Variants in ZC3H4 observed in about 807,000 individuals in gnomAD.
ZC3H4 encodes the protein zinc finger CCCH domain-containing protein 4.
ZC3H4 carries 13 observed loss-of-function variants against 108.3 expected under a neutral mutation model. The observed-to-expected ratio is 0.12, with a 90% CI of 0.08 to 0.19. The LOEUF is 0.19. ZC3H4 is among the 10% of genes least tolerant of loss of function. The pLI, the probability that ZC3H4 is intolerant of heterozygous loss-of-function variation, is 1.00. For missense variants in ZC3H4, 1,734 were observed against 1,838.8 expected (o/e 0.94, Z 1.04); for synonymous variants, 917 against 749.6 (o/e 1.22, Z -3.65).
At chr19:47,111,902 G>A (rs2058044067) in intron 2 of ZC3H4, among the ~76,000 whole-genome samples, 1 of 152,092 alleles carries the variant, frequency 6.6e-6, no homozygotes, top group Non-Finnish European at 1.5e-5. Context: ...TACTGCCGGG[G>A]GCTGGGAGAC....
At chr19:47,079,190 T>C (rs561753950) in intron 11 of ZC3H4, among the ~76,000 whole-genome samples, 4 of 151,098 alleles carry the variant, frequency 2.6e-5, no homozygotes, top group Non-Finnish European at 5.9e-5. Flanking sequence ...CCACCTTGCC[T>C]GGCTAATTCT....
chr19:47,077,296 C>T (rs1392539265), intron 11 of ZC3H4, among the ~76,000 whole-genome samples: 1 of 151,546 alleles, frequency 6.6e-6, no homozygotes, highest in Non-Finnish European at 1.5e-5. Context: ...TGGTGAAACC[C>T]TGTCTCTACT....
In ZC3H4 at chr19:47,067,757, C is replaced by G. The variant is rs373377995; in HGVS notation, c.2511G>C (p.Gly837=). The G allele has an allele frequency of 3.0e-5, 49 of 1,609,398 alleles. No individual in the cohort carries two copies. The highest frequency in any genetic ancestry group is 4.1e-5 in the Non-Finnish European group (48 of 1,178,912). Residue 837 remains glycine (G), a synonymous_variant, in exon 15 of 15, where the codon GGG becomes GGC. Transcript: ENST00000253048. This position sits in a 1 kb window ranked among gnomAD's most constrained non-coding sequence, Gnocchi z 6.4. ...CCCCCAGCCCACTGCTGCTCAGCTCCCCAACTGAAGCCGGGGGTCGGCTGG... is the reference window on the plus strand; with the variant it reads ...CCCCCAGCCCACTGCTGCTCAGCTCGCCAACTGAAGCCGGGGGTCGGCTGG... ...QTSSRPPASV[G]ELSSSGLGDP... is the part of the protein sequence containing the mutation.
intron 11 of ZC3H4, among the ~76,000 whole-genome samples, chr19:47,077,867 A>C (rs2057451300): frequency 6.6e-6 from 1 of 151,990 alleles, no homozygotes. Context: ...CAAACAAAAA[A>C]AAAAAAAAAA....
chr19:47,072,516 AGGGGGCGGGGGC>A lies in ZC3H4; in HGVS notation c.1626_1637del (p.Pro549_Pro552del). 1.2e-5 allele frequency: 1 copy of A among 83,340 alleles called. No homozygotes were observed. The highest frequency in any genetic ancestry group is 1.7e-5 in the Non-Finnish European group (1 of 60,426). 5.2% of individuals were successfully genotyped at this position (83,340 alleles called of 1,614,324 possible). A position where few individuals can be genotyped will look rare whatever the true frequency, so the allele number is the denominator to read the frequency against. ...GGGGCCCGGGCGGTGGGGGAGGGGGAGGGGGCGGGGGCGGGGGGCCACCCTGCATGGGCCTGC... is the reference window on the plus strand; with the variant it reads ...GGGGCCCGGGCGGTGGGGGAGGGGGAGGGGGGCCACCCTGCATGGGCCTGC... On this transcript the variant is annotated inframe_deletion, in exon 12 of 15. Coordinates refer to ENST00000253048, the MANE Select transcript of ZC3H4 (RefSeq NM_015168.2). This position sits in a 1 kb window ranked among gnomAD's most constrained non-coding sequence, Gnocchi z 5.6.
intron 5 of ZC3H4, among the ~76,000 whole-genome samples, chr19:47,088,997 C>T (rs931770031): frequency 6.6e-6 from 1 of 151,656 alleles, no homozygotes; most frequent in African/African-American, 2.4e-5. Context: ...CACGAGGTCA[C>T]GAGATCGAGA....
rs1269181056 is a variant in ZC3H4, at chr19:47,071,993, A to G, written c.1931T>C (p.Met644Thr). The G allele has an allele frequency of 1.2e-6, 2 of 1,603,976 alleles. No homozygotes were observed. The highest frequency in any genetic ancestry group is 1.7e-5 in the Admixed American group (1 of 57,536). ...CATGTCTGCGTGCATGTCTGCGTGC[A>G]TGTCAGGGTGCATGTCCGGGTGCAT... is the stretch of plus-strand genomic sequence containing the variant. Reference protein sequence around the residue: ...PDMHPDMHPDMHADMHADMPM... With the variant: ...PDMHPDMHPDTHADMHADMPM... The change falls in exon 13 of 15, where the codon ATG becomes ACG. Residue 644 changes from methionine to threonine, a missense_variant. Met to Thr is a moderately conservative substitution (Grantham distance 81). This residue lies in a region of ZC3H4 where 540 missense variants were observed against 484.1 expected (regional missense o/e 1.12). Coordinates refer to ENST00000253048, the MANE Select transcript of ZC3H4 (RefSeq NM_015168.2).
intron 2 of ZC3H4, among the ~76,000 whole-genome samples, chr19:47,107,876 G>A (rs540915638): frequency 3.3e-5 from 5 of 152,270 alleles, no homozygotes; most frequent in African/African-American, 1.2e-4. Flanking sequence ...AAGCAAAAGC[G>A]TTCTGCAGCA....
chr19:47,087,813 G>A (rs924762963), intron 5 of ZC3H4, among the ~76,000 whole-genome samples: 5 of 152,178 alleles, frequency 3.3e-5, no homozygotes, highest in African/African-American at 1.2e-4. Flanking sequence ...GGCGGAGGTT[G>A]CAGTGAGCCA....
intron 11 of ZC3H4, 100 bp downstream of exon 11, chr19:47,081,413 G>T: frequency 1.1e-6 from 1 of 897,184 alleles, no homozygotes; most frequent in Non-Finnish European, 1.8e-6. Flanking sequence ...AACCAAACTG[G>T]GCACTGCAGA....
In ZC3H4 at chr19:47,081,531, C is replaced by T. The variant is rs766613282; in HGVS notation, c.1422G>A (p.Thr474=). 5.0e-6 allele frequency: 8 copies of T among 1,614,106 alleles called. No homozygotes were observed. Among genetic ancestry groups the T allele is most frequent in the African/African-American group, 1.3e-5 (1 of 74,946 alleles). The change falls in exon 11 of 15, where the codon ACG becomes ACA. Residue 474 remains threonine (T), a synonymous_variant. Transcript: ENST00000253048. ...ACATTACCTTATCCAAGAGCTCCCT[C>T]GTCTCTTCGGTCAGAGGGTCGTGGG... ...MFSHDPLTEE[T]RELLDKMLAD...
chr19:47,071,863 AGGG>A lies in ZC3H4; in HGVS notation c.2058_2060del (p.Pro687del), dbSNP rs1381706840. On this transcript the variant is annotated inframe_deletion, in exon 13 of 15. Transcript: ENST00000253048. The stretch of plus-strand genomic sequence containing the variant: ...CATAGAAGTTCTGGGCTGGCGGGAT[AGGG>A]GGCATCATTCCAGAATGTGGGGAGT... The A allele has an allele frequency of 6.2e-7, 1 of 1,613,554 alleles. No individual in the cohort carries two copies. The highest frequency in any genetic ancestry group is 1.1e-5 in the South Asian group (1 of 91,022).
At chr19:47,085,232 C>CCCCCCA in intron 7 of ZC3H4, 37 bp from the exon 8 acceptor site, 3 of 1,579,588 alleles carry the variant, frequency 1.9e-6, no homozygotes, top group Non-Finnish European at 8.6e-7. Flanking sequence ...CTGCTGACCA[C>CCCCCCA]CCCCTCCCCC....
chr19:47,093,585 G>A (rs2057773436), intron 4 of ZC3H4, among the ~76,000 whole-genome samples: 1 of 152,128 alleles, frequency 6.6e-6, no homozygotes, highest in Non-Finnish European at 1.5e-5. Context: ...GGGCAACCCT[G>A]TTGAAATTTT....
At chr19:47,090,215 G>T (rs1012701265) in intron 4 of ZC3H4, 26 bp from the exon 5 acceptor site, 2 of 1,613,518 alleles carry the variant, frequency 1.2e-6, no homozygotes, top group South Asian at 2.2e-5. Context: ...GGGGAAAAGA[G>T]GTGAGCCGGA....
intron 9 of ZC3H4, 29 bp downstream of exon 9, chr19:47,084,316 A>G: frequency 1.2e-6 from 2 of 1,603,772 alleles, no homozygotes; most frequent in Non-Finnish European, 1.7e-6. Flanking sequence ...ATGGCCTCCT[A>G]GAGGTGCCCA....
At position 47,067,286 on chromosome 19, in the gene ZC3H4, T is replaced by C. The variant is rs1192677455; in HGVS notation, c.2982A>G (p.Ala994=). The C allele has an allele frequency of 3.1e-6, 5 of 1,589,804 alleles. No individual in the cohort carries two copies. The highest frequency in any genetic ancestry group is 4.3e-6 in the Non-Finnish European group (5 of 1,167,420). Reference sequence around the variant, plus strand: ...GCAGGGCCGCGGGCACGGGGGGCACTGCGTCCTGCTTGGGGATGGGTAGGG... The same window carrying C: ...GCAGGGCCGCGGGCACGGGGGGCACCGCGTCCTGCTTGGGGATGGGTAGGG... ...LIPLPIPKQD[A]VPPVPAALQS... Residue 994 remains alanine, a synonymous_variant, in exon 15 of 15, where the codon GCA becomes GCG. Transcript: ENST00000253048. This position sits in a 1 kb window ranked among gnomAD's most constrained non-coding sequence, Gnocchi z 6.4.
At chr19:47,086,674 G>A in intron 5 of ZC3H4, 136 bp from the exon 6 acceptor site, 1 of 1,418,378 alleles carries the variant, frequency 7.1e-7, no homozygotes, top group Non-Finnish European at 9.2e-7. Context: ...CCTCCTCCAA[G>A]AAGCCTTCCT....
rs1028482169 is a variant in ZC3H4 at position 47,064,534 on chromosome 19, C to T, written c.*1822G>A. 1 of 152,374 alleles carries T rather than the reference C, an allele frequency of 6.6e-6. No individual in the cohort carries two copies. The highest frequency in any genetic ancestry group is 2.4e-5 in the African/African-American group (1 of 41,400). 9.4% of individuals were successfully genotyped at this position (152,374 alleles called of 1,614,324 possible). On this transcript the variant is annotated 3_prime_UTR_variant, in exon 15 of 15. Coordinates refer to ENST00000253048, the MANE Select transcript of ZC3H4 (RefSeq NM_015168.2). The stretch of plus-strand genomic sequence containing the variant: ...AGGGCTCCAGCTTCTATTTCATCCA[C>T]AGATTTCGGTTTAAAAAATATTTTT...
Sources: allele counts gnomAD v4.1 joint callset (sites outside exome capture counted in the v4.1 genomes callset), GRCh38; gene constraint gnomAD v4.1.1; regional missense constraint gnomAD v4.1.1; non-coding constraint Gnocchi (gnomAD v3.1); transcripts MANE v1.5; gene names NCBI Gene and HGNC (gene_info 2026-07-23, HGNC 2026-07-21).